PTPRD: variants seen among roughly 807,000 people sequenced by gnomAD.
PTPRD encodes the protein receptor-type tyrosine-protein phosphatase delta.
PTPRD carries 34 observed loss-of-function variants against 214.5 expected under a neutral mutation model. The observed-to-expected ratio is 0.16, with a 90% CI of 0.12 to 0.21. PTPRD has a LOEUF of 0.21. PTPRD is among the 10% of genes least tolerant of loss of function. The pLI, the probability that PTPRD is intolerant of heterozygous loss-of-function variation, is 1.00. For missense variants in PTPRD, 2,545 were observed against 2,398.7 expected (o/e 1.06, Z -1.27); for synonymous variants, 1,128 against 845.7 (o/e 1.33, Z -5.79).
intron 10 of PTPRD, among the ~76,000 whole-genome samples, chr9:9,167,935 C>G (rs1438158901): frequency 6.6e-6 from 1 of 152,176 alleles, no homozygotes; most frequent in Admixed American, 6.5e-5. Context: ...AAAGCTCCCT[C>G]TCACATGCCA....
intron 11 of PTPRD, among the ~76,000 whole-genome samples, chr9:8,980,229 G>T (rs1453889773): frequency 1.3e-5 from 2 of 151,956 alleles, no homozygotes; most frequent in East Asian, 3.9e-4. Context: ...ATCATCAGTG[G>T]GGGTGGGGGC....
chr9:9,400,242 A>G (rs1171958841), intron 8 of PTPRD, among the ~76,000 whole-genome samples: 1 of 151,910 alleles, frequency 6.6e-6, no homozygotes, highest in Non-Finnish European at 1.5e-5. Context: ...GCAGAGATCT[A>G]TGGCTTCCTA....
rs1198880596 is a variant in PTPRD, at chr9:8,611,741, AAGAAAAGAAAAG to A, written c.352+21564_352+21575del. ...AAAGAAAAGACAAAAGAAAAAAGAA[AAGAAAAGAAAAG>A]AGAAAAGAAAAGAAAGGAGGGGAGG... On this transcript the variant is annotated intron_variant, in intron 14 of 45. Transcript: ENST00000381196. 2.1e-5 allele frequency among the ~76,000 whole-genome samples: 3 copies of A among 145,192 alleles called. 1 individual carries two copies. Among genetic ancestry groups the A allele is most frequent in the Non-Finnish European group, 4.4e-5 (3 of 67,512 alleles).
chr9:8,472,464 ACT>A (rs1169924914), intron 30 of PTPRD, among the ~76,000 whole-genome samples: 2 of 151,982 alleles, frequency 1.3e-5, no homozygotes, highest in East Asian at 3.9e-4. Context: ...AACTCAGTAA[ACT>A]CTCTGTGATT....
chr9:10,081,558 C>G (rs2098237926), intron 3 of PTPRD, among the ~76,000 whole-genome samples: 1 of 152,002 alleles, frequency 6.6e-6, no homozygotes, highest in African/African-American at 2.4e-5. Flanking sequence ...CTTCTGCCAG[C>G]CAAGAGAGGG....
In PTPRD at chr9:8,608,178, T is replaced by C. The variant is rs146385449; in HGVS notation, c.352+25139A>G. 6.2e-4 allele frequency among the ~76,000 whole-genome samples: 94 copies of C among 152,166 alleles called. 1 individual carries two copies. The East Asian group carries it at 0.016, about 26-fold the overall frequency. ...ATATATCTATACATTACATATTGAA[T>C]TGAAGATATTACTGTTACCCTATTA... is the stretch of plus-strand genomic sequence containing the variant. On this transcript the variant is annotated intron_variant, in intron 14 of 45. Transcript: ENST00000381196.
At chr9:10,405,699 G>A (rs543000200) in intron 2 of PTPRD, among the ~76,000 whole-genome samples, 1 of 151,464 alleles carries the variant, frequency 6.6e-6, no homozygotes, top group African/African-American at 2.4e-5. Flanking sequence ...AATAAATACA[G>A]TTAAATGGAA....
At chr9:9,750,783 C>A (rs2098510080) in intron 6 of PTPRD, among the ~76,000 whole-genome samples, 1 of 152,074 alleles carries the variant, frequency 6.6e-6, no homozygotes. Context: ...GGGAACTTTT[C>A]TATTTAATCT....
At chr9:10,503,208 C>CAAAAACAA in intron 2 of PTPRD, among the ~76,000 whole-genome samples, 1 of 118,482 alleles carries the variant, frequency 8.4e-6, no homozygotes, top group African/African-American at 3.0e-5. Flanking sequence ...AAAAAAAAAA[C>CAAAAACAA]AAAAAAAAAC....
chr9:9,531,422 A>G (rs1276723678), intron 8 of PTPRD, among the ~76,000 whole-genome samples: 1 of 152,138 alleles, frequency 6.6e-6, no homozygotes, highest in African/African-American at 2.4e-5. Flanking sequence ...TTTTGTTTGA[A>G]TGTGAGACAC....
chr9:9,892,428 A>G (rs2073668731), intron 5 of PTPRD, among the ~76,000 whole-genome samples: 2 of 152,116 alleles, frequency 1.3e-5, no homozygotes, highest in Non-Finnish European at 2.9e-5. Context: ...TGCTCAGAGA[A>G]CAGAAAGTAG....
chr9:9,317,737 C>T (rs977113471), intron 9 of PTPRD, among the ~76,000 whole-genome samples: 1 of 151,934 alleles, frequency 6.6e-6, no homozygotes, highest in African/African-American at 2.4e-5. Context: ...ACTTATTTAC[C>T]TGAAGCACAA....
chr9:9,571,261 G>A (rs2086296635), intron 8 of PTPRD, among the ~76,000 whole-genome samples: 2 of 151,200 alleles, frequency 1.3e-5, no homozygotes, highest in South Asian at 4.1e-4. Flanking sequence ...AATAAGTTGT[G>A]TTTTTGGTGA....
intron 8 of PTPRD, among the ~76,000 whole-genome samples, chr9:9,414,532 G>C (rs118076249): frequency 1.3e-5 from 2 of 152,138 alleles, no homozygotes; most frequent in African/African-American, 4.8e-5. Context: ...ATATATCCTA[G>C]GGATAATAAT....
At chr9:9,300,389 A>G (rs2134689858) in intron 9 of PTPRD, among the ~76,000 whole-genome samples, 1 of 151,898 alleles carries the variant, frequency 6.6e-6, no homozygotes, top group African/African-American at 2.4e-5. Flanking sequence ...AGCTTTGAAT[A>G]TGCTGCAATC....
At chr9:8,476,945 C>T (rs967761914) in intron 30 of PTPRD, among the ~76,000 whole-genome samples, 11 of 152,114 alleles carry the variant, frequency 7.2e-5, no homozygotes, top group Admixed American at 7.2e-4. Flanking sequence ...GAAAATATAA[C>T]TCCTTATTGC....
At chr9:10,295,173 C>T (rs1001439113) in intron 3 of PTPRD, among the ~76,000 whole-genome samples, 2 of 152,030 alleles carry the variant, frequency 1.3e-5, no homozygotes, top group African/African-American at 2.4e-5. Flanking sequence ...CACACACACC[C>T]TTTAATGTTT....
At chr9:10,187,680 C>T (rs1347719803) in intron 3 of PTPRD, among the ~76,000 whole-genome samples, 6 of 152,178 alleles carry the variant, frequency 3.9e-5, no homozygotes, top group East Asian at 3.9e-4. Flanking sequence ...CCCTGGGGGG[C>T]GGAACCAGGT....
At chr9:9,323,799 G>A (rs890928080) in intron 9 of PTPRD, among the ~76,000 whole-genome samples, 4 of 152,132 alleles carry the variant, frequency 2.6e-5, no homozygotes, top group Admixed American at 1.3e-4. Context: ...CCATTAACTC[G>A]TCATTTACAT....
Sources: allele counts gnomAD v4.1 joint callset (sites outside exome capture counted in the v4.1 genomes callset), GRCh38; gene constraint gnomAD v4.1.1; transcripts MANE v1.5; gene names NCBI Gene and HGNC (gene_info 2026-07-23, HGNC 2026-07-21).